Variants in ARHGAP39 observed in about 807,000 individuals in gnomAD.
ARHGAP39 encodes the protein rho GTPase-activating protein 39.
In ARHGAP39, 44 loss-of-function variants were observed where a neutral mutation model predicts 106.9. That is an observed-to-expected ratio of 0.41 (90% CI 0.32 to 0.53). The LOEUF (loss-of-function observed/expected upper bound fraction) is 0.53, where lower values mean the gene tolerates loss of function less well. Among genes scored for constraint, ARHGAP39 ranks in the 20% least tolerant of loss-of-function variants. The probability of loss-of-function intolerance (pLI) is 0.21; values close to 1 mark genes in which losing one functional copy is unlikely to be tolerated. For synonymous variants in ARHGAP39, 768 were observed against 693.2 expected, an observed-to-expected ratio of 1.11 and a Z score of -1.69; for missense variants, 1,496 against 1,577.3, an observed-to-expected ratio of 0.95 and a Z score of 0.87.
intron 1 of ARHGAP39, among the ~76,000 whole-genome samples, chr8:144,677,651 G>A (rs952959644): frequency 2.0e-5 from 3 of 151,998 alleles, no homozygotes; most frequent in Non-Finnish European, 4.4e-5. Context: ...AAAAAGGCAA[G>A]GTTCAGAAAC....
chr8:144,547,912 TGCCGGCG>T lies in ARHGAP39; in HGVS notation c.1167_1173del (p.Ala390ArgfsTer45). 6.3e-7 allele frequency: 1 copy of T among 1,583,436 alleles called. No homozygotes were observed. Among genetic ancestry groups the T allele is most frequent in the Non-Finnish European group, 8.6e-7 (1 of 1,165,274 alleles). On this transcript the variant is annotated frameshift_variant, in exon 5 of 12. Transcript: ENST00000377307. LOFTEE classifies it high-confidence loss of function. The surrounding 1 kb of genome is among the most constrained non-coding windows in gnomAD (Gnocchi z 5.2). ...TAGACCAGCTGCCGCACGTACTCCT[TGCCGGCG>T]GGACTGTACTCCAGGCTCAGGAAGC...
chr8:144,580,162 T>A (rs1818917905), intron 3 of ARHGAP39, among the ~76,000 whole-genome samples: 1 of 152,114 alleles, frequency 6.6e-6, no homozygotes, highest in Non-Finnish European at 1.5e-5. Flanking sequence ...AGGGGTCTCC[T>A]GGGCTCCCAC....
chr8:144,627,413 G>A (rs1027474508), intron 1 of ARHGAP39, among the ~76,000 whole-genome samples: 1 of 152,066 alleles, frequency 6.6e-6, no homozygotes, highest in Admixed American at 6.6e-5. Context: ...AAATCAGCTG[G>A]GTGTGGTGGT....
At position 144,545,565 on chromosome 8, in the gene ARHGAP39, G is replaced by C. The variant is rs199939022; in HGVS notation, c.2205C>G (p.Ser735Arg). 59 of 1,613,632 alleles carry C rather than the reference G, an allele frequency of 3.7e-5. No homozygotes were observed. The highest frequency in any genetic ancestry group is 4.7e-5 in the Non-Finnish European group (55 of 1,180,024). ...ESIKKPMIVTSDRHVKKEACE... is the reference protein window; with the variant it reads ...ESIKKPMIVTRDRHVKKEACE... ...AGGCCTCCTTCTTCACGTGCCGGTCGCTTGTCACGATCATGGGCTTCTTGA... is the reference window on the plus strand; with the variant it reads ...AGGCCTCCTTCTTCACGTGCCGGTCCCTTGTCACGATCATGGGCTTCTTGA... The change falls in exon 6 of 12, where the codon AGC becomes AGG. Residue 735 changes from serine (S) to arginine (R), a missense_variant. Physicochemically the swap from Ser to Arg is moderately radical, Grantham distance 110. This residue lies in a region of ARHGAP39 where 470 missense variants were observed against 605.1 expected (regional missense o/e 0.78). Transcript: ENST00000377307.
intron 4 of ARHGAP39, among the ~76,000 whole-genome samples, chr8:144,549,089 G>A (rs757520358): frequency 3.7e-4 from 57 of 152,256 alleles, no homozygotes; most frequent in Non-Finnish European, 7.5e-4. Flanking sequence ...CCGGAGTCAC[G>A]CTGTCTGCGT....
chr8:144,657,121 T>C (rs543742794), intron 1 of ARHGAP39, among the ~76,000 whole-genome samples: 1 of 152,144 alleles, frequency 6.6e-6, no homozygotes, highest in South Asian at 2.1e-4. Flanking sequence ...TGGCCTAGCA[T>C]GGTGGCTCAT....
chr8:144,574,841 G>T (rs1818715255), intron 3 of ARHGAP39, among the ~76,000 whole-genome samples: 1 of 152,186 alleles, frequency 6.6e-6, no homozygotes, highest in Admixed American at 6.5e-5. Context: ...CACATGTGCA[G>T]GAGATTTTAC....
chr8:144,576,022 C>T (rs890833808), intron 3 of ARHGAP39, among the ~76,000 whole-genome samples: 1 of 152,136 alleles, frequency 6.6e-6, no homozygotes, highest in Non-Finnish European at 1.5e-5. Flanking sequence ...CATAATTCAA[C>T]GCAATTCTAG....
the ARHGAP39 span, among the ~76,000 whole-genome samples, chr8:144,697,002 A>C: frequency 6.6e-6 from 1 of 152,220 alleles, no homozygotes; most frequent in Non-Finnish European, 1.5e-5. Flanking sequence ...GTTATGAGAC[A>C]GAGGACAACT....
At chr8:144,561,564 G>T (rs142941118) in intron 3 of ARHGAP39, among the ~76,000 whole-genome samples, 1 of 141,266 alleles carries the variant, frequency 7.1e-6, no homozygotes, top group African/African-American at 2.6e-5. Context: ...GGTTTCGATC[G>T]GACCCCAGTG....
At chr8:144,696,980 A>G in the ARHGAP39 span, among the ~76,000 whole-genome samples, 1 of 152,112 alleles carries the variant, frequency 6.6e-6, no homozygotes, top group Non-Finnish European at 1.5e-5. Context: ...CTCTAGAAAT[A>G]TTTTCATATA....
chr8:144,551,631 G>A (rs1202700079), intron 4 of ARHGAP39, among the ~76,000 whole-genome samples: 1 of 151,552 alleles, frequency 6.6e-6, no homozygotes, highest in Admixed American at 6.6e-5. Context: ...CTTCCGCCAT[G>A]TAGGCAGCTC....
At chr8:144,600,676 CTGCGTG>C (rs1303146420) in intron 2 of ARHGAP39, among the ~76,000 whole-genome samples, 32 of 147,524 alleles carry the variant, frequency 2.2e-4, no homozygotes, top group Admixed American at 3.4e-4. Context: ...ACTTGTGTAC[CTGCGTG>C]TGCGTGTGCG....
intron 4 of ARHGAP39, among the ~76,000 whole-genome samples, chr8:144,550,025 G>A (rs1157593076): frequency 6.6e-6 from 1 of 151,982 alleles, no homozygotes; most frequent in Non-Finnish European, 1.5e-5. Flanking sequence ...GTAATCCAAA[G>A]ACATTGGGAG....
At chr8:144,534,922 A>G (rs1418386282) in intron 7 of ARHGAP39, among the ~76,000 whole-genome samples, 1 of 152,198 alleles carries the variant, frequency 6.6e-6, no homozygotes, top group African/African-American at 2.4e-5. Flanking sequence ...GGAAGGTGCT[A>G]GAGGGGAGAG....
intron 1 of ARHGAP39, among the ~76,000 whole-genome samples, chr8:144,616,407 T>C (rs1349322272): frequency 1.3e-5 from 2 of 152,208 alleles, no homozygotes; most frequent in African/African-American, 4.8e-5. Context: ...AGAAAACCCA[T>C]GGAAGGGCTT....
chr8:144,657,969 G>C (rs759131178), intron 1 of ARHGAP39, among the ~76,000 whole-genome samples: 5 of 152,046 alleles, frequency 3.3e-5, no homozygotes, highest in Non-Finnish European at 7.4e-5. Flanking sequence ...AACAATAAAA[G>C]ATAATACAAA....
chr8:144,589,090 T>C (rs1023928493), intron 2 of ARHGAP39, among the ~76,000 whole-genome samples: 11 of 152,052 alleles, frequency 7.2e-5, no homozygotes, highest in Admixed American at 6.5e-4. Flanking sequence ...CGGCAGGGGC[T>C]CATCAACTGC....
At chr8:144,600,369 CTT>C (rs1313694624) in intron 2 of ARHGAP39, among the ~76,000 whole-genome samples, 1 of 147,852 alleles carries the variant, frequency 6.8e-6, no homozygotes, top group Non-Finnish European at 1.5e-5. Flanking sequence ...TGCGTGCACA[CTT>C]GGGTACCTAC....
Sources: allele counts gnomAD v4.1 joint callset (sites outside exome capture counted in the v4.1 genomes callset), GRCh38; gene constraint gnomAD v4.1.1; regional missense constraint gnomAD v4.1.1; non-coding constraint Gnocchi (gnomAD v3.1); transcripts MANE v1.5; gene names NCBI Gene and HGNC (gene_info 2026-07-23, HGNC 2026-07-21).